The following UBAP2L variants were observed in gnomAD, a reference collection of about 807,000 sequenced individuals.
UBAP2L encodes the protein ubiquitin associated protein 2 like.
In UBAP2L, 12 loss-of-function variants were observed where a neutral mutation model predicts 130.6. That is an observed-to-expected ratio of 0.09 (90% CI 0.06 to 0.15). The LOEUF (loss-of-function observed/expected upper bound fraction) is 0.15, where lower values mean the gene tolerates loss of function less well. UBAP2L is among the 10% of genes least tolerant of loss of function. The probability of loss-of-function intolerance (pLI) is 1.00; values close to 1 mark genes in which losing one functional copy is unlikely to be tolerated. For missense variants in UBAP2L, 965 were observed against 1,332.5 expected (o/e 0.72, Z 4.29); for synonymous variants, 503 against 524.7 (o/e 0.96, Z 0.57).
At chr1:154,243,110 T>C in intron 9 of UBAP2L, 107 bp from the exon 10 acceptor site, 1 of 874,024 alleles carries the variant, frequency 1.1e-6, no homozygotes, top group Non-Finnish European at 1.9e-6. Context: ...TAGTTTTCTC[T>C]TTATAGGGCT....
At chr1:154,256,521 C>T (rs931971174) in intron 18 of UBAP2L, among the ~76,000 whole-genome samples, 2 of 152,130 alleles carry the variant, frequency 1.3e-5, no homozygotes, top group Non-Finnish European at 2.9e-5. Context: ...TTCGTAGAGT[C>T]CTAGCTACTC....
chr1:154,226,589 G>A (rs556073268), intron 2 of UBAP2L, among the ~76,000 whole-genome samples: 2 of 152,176 alleles, frequency 1.3e-5, no homozygotes, highest in South Asian at 2.1e-4. Context: ...GATGTGTTGA[G>A]TCTATTGTCA....
chr1:154,255,758 A>G lies in UBAP2L; in HGVS notation c.2157+3A>G. 2 of 1,614,032 alleles carry G rather than the reference A, an allele frequency of 1.2e-6. No individual in the cohort carries two copies. Among genetic ancestry groups the G allele is most frequent in the East Asian group, 4.5e-5 (2 of 44,884 alleles). On this transcript the variant is annotated splice_donor_region_variant and intron_variant, in intron 18 of 26. Transcript: ENST00000428931. ...GCACTTCGACATCCACTCTTTTGGT[A>G]AGTGTGATGCTGAGAGGGATGTGTG...
At position 154,251,129 on chromosome 1, in the gene UBAP2L, CCTTCAGGAGAAGT is replaced by C. The variant is rs1677474616; in HGVS notation, c.1304_1316del (p.Leu435HisfsTer47). 1 of 1,614,032 alleles carries C rather than the reference CCTTCAGGAGAAGT, an allele frequency of 6.2e-7. No individual in the cohort carries two copies. Among genetic ancestry groups the C allele is most frequent in the Non-Finnish European group, 8.5e-7 (1 of 1,180,040 alleles). ...CATCTTCAACCATGATGGAGGTGTT[CCTTCAGGAGAAGT>C]CACCTGCAGTGGCTACCTCCACAGC... On this transcript the variant is annotated frameshift_variant, in exon 13 of 27. Coordinates refer to ENST00000428931, the MANE Select transcript of UBAP2L (RefSeq NM_014847.4). LOFTEE classifies it high-confidence loss of function.
chr1:154,232,278 C>T (rs111484109), intron 4 of UBAP2L, among the ~76,000 whole-genome samples: 3,814 of 150,688 alleles, frequency 0.025, 72 homozygotes, highest in Middle Eastern at 0.073. Context: ...GAGCCGAGAT[C>T]GCACCACTGC....
At position 154,257,572 on chromosome 1, in the gene UBAP2L, A is replaced by G. The variant is rs1483171909; in HGVS notation, c.2442+138A>G. ...CCCTGCAGTTGGCTCTGTGGAATCC[A>G]TGTATATGAGTTTTGCATTCTGTAA... On this transcript the variant is annotated intron_variant, in intron 20 of 26. Transcript: ENST00000428931. 5 of 848,900 alleles carry G rather than the reference A, an allele frequency of 5.9e-6. No individual in the cohort carries two copies. In the East Asian group the frequency reaches 7.9e-5, roughly 13 times the overall value. 52.6% of individuals were successfully genotyped at this position (848,900 alleles called of 1,614,324 possible).
Position 154,220,971 on chromosome 1 carries a change from CTG to C in UBAP2L, c.-44_-43del, listed in dbSNP as rs1226688648. 3.8e-5 allele frequency: 7 copies of C among 185,198 alleles called. No homozygotes were observed. Among genetic ancestry groups the C allele is most frequent in the Non-Finnish European group, 8.0e-5 (7 of 87,240 alleles). The allele number at this position is 185,198 out of a possible 1,614,324, so 11.5% of individuals were successfully genotyped here. On this transcript the variant is annotated splice_region_variant and 5_prime_UTR_variant, in exon 1 of 27. Transcript: ENST00000428931. ...GCCCGGGGTGTCAGTGTGGAGGAGA[CTG>C]AGGTAAAGTTGGGAGCGCAGCGGCG...
At position 154,268,969 on chromosome 1, in the gene UBAP2L, C is replaced by G; in HGVS notation, c.3168+15C>G. ...AGGATGGCCAGGTAATAGCCCTTCC[C>G]CTTCTCTCCTTTCCCTTCCTCTTCC... On this transcript the variant is annotated intron_variant, in intron 26 of 26. Transcript: ENST00000428931. 1 of 1,612,786 alleles carries G rather than the reference C, an allele frequency of 6.2e-7. No homozygotes were observed. The highest frequency in any genetic ancestry group is 1.7e-5 in the Admixed American group (1 of 59,898).
At chr1:154,242,805 T>A (rs1674005453) in intron 9 of UBAP2L, 1 of 152,536 alleles carries the variant, frequency 6.6e-6, no homozygotes. Flanking sequence ...TATTTCTTCA[T>A]CTTGGTTATG....
At chr1:154,237,591 G>A (rs543175797) in intron 8 of UBAP2L, among the ~76,000 whole-genome samples, 3 of 152,254 alleles carry the variant, frequency 2.0e-5, no homozygotes, top group East Asian at 3.9e-4. Flanking sequence ...GATGAACAAG[G>A]CCTAGAATCA....
chr1:154,235,859 C>G (rs1426039019), intron 6 of UBAP2L, among the ~76,000 whole-genome samples: 1 of 151,672 alleles, frequency 6.6e-6, no homozygotes, highest in Non-Finnish European at 1.5e-5. Flanking sequence ...CTTGGCCTCT[C>G]CAAGTGCTGA....
chr1:154,255,754 T>G lies in UBAP2L; in HGVS notation c.2156T>G (p.Leu719Trp). 1 of 1,614,076 alleles carries G rather than the reference T, an allele frequency of 6.2e-7. No homozygotes were observed. Reference protein sequence around the residue: ...SSGRTSTSTLLHTSVESEANL... With the variant: ...SSGRTSTSTLWHTSVESEANL... ...GGGCGCACTTCGACATCCACTCTTT[T>G]GGTAAGTGTGATGCTGAGAGGGATG... Residue 719 changes from leucine (L) to tryptophan (W), a missense_variant and splice_region_variant, in exon 18 of 27, where the codon TTG (leucine) becomes TGG (tryptophan). Coordinates refer to ENST00000428931, the MANE Select transcript of UBAP2L (RefSeq NM_014847.4).
chr1:154,251,356 G>A, intron 13 of UBAP2L, 38 bp downstream of exon 13: 2 of 1,586,294 alleles, frequency 1.3e-6, no homozygotes, highest in Non-Finnish European at 1.7e-6. Context: ...TTTATGGCAA[G>A]GGGTGTGGGG....
intron 25 of UBAP2L, among the ~76,000 whole-genome samples, chr1:154,266,966 G>A (rs376565882): frequency 2.6e-5 from 4 of 152,112 alleles, no homozygotes; most frequent in South Asian, 4.1e-4. Context: ...GAAAGGAGAC[G>A]ACCTAGTAAC....
At chr1:154,234,395 A>G (rs545671635) in intron 4 of UBAP2L, among the ~76,000 whole-genome samples, 196 bp from the exon 5 acceptor site, 2 of 152,022 alleles carry the variant, frequency 1.3e-5, no homozygotes, top group African/African-American at 4.8e-5. Context: ...ATAAATAAAT[A>G]AAAAATAAAG....
At chr1:154,266,441 A>G in intron 24 of UBAP2L, 60 bp from the exon 25 acceptor site, 3 of 1,559,798 alleles carry the variant, frequency 1.9e-6, no homozygotes, top group South Asian at 2.2e-5. Flanking sequence ...ACCTCATCTC[A>G]GGAATAAGGG....
chr1:154,241,382 C>T, intron 8 of UBAP2L, 131 bp from the exon 9 acceptor site: 2 of 776,480 alleles, frequency 2.6e-6, no homozygotes, highest in Non-Finnish European at 4.2e-6. Context: ...GCCACCACAC[C>T]TGGCCTTCTG....
chr1:154,236,432 C>A, intron 6 of UBAP2L, 134 bp from the exon 7 acceptor site: 1 of 880,602 alleles, frequency 1.1e-6, no homozygotes, highest in Non-Finnish European at 1.8e-6. Context: ...CTTCTGGATG[C>A]AACCAATCCG....
chr1:154,261,133 C>A, intron 23 of UBAP2L, 24 bp downstream of exon 23: 1 of 1,607,616 alleles, frequency 6.2e-7, no homozygotes, highest in East Asian at 2.2e-5. Context: ...TTTGGTCACT[C>A]CTTGTGGTGA....
Sources: gnomAD v4.1 joint callset for allele counts (sites outside exome capture counted in the v4.1 genomes callset) on GRCh38, gnomAD v4.1.1 for gene constraint, MANE v1.5 for transcripts, NCBI Gene and HGNC (gene_info 2026-07-23, HGNC 2026-07-21) for gene names.